The following CCNH variants were observed in gnomAD, a reference collection of about 807,000 sequenced individuals.
CCNH encodes cyclin H.
In CCNH, 31 loss-of-function variants were observed where a neutral mutation model predicts 41.9. That is an observed-to-expected ratio of 0.74 (90% CI 0.56 to 1.00). The LOEUF (loss-of-function observed/expected upper bound fraction) is 1.00, where lower values mean the gene tolerates loss of function less well. Among genes scored for constraint, CCNH ranks in the 50% least tolerant of loss-of-function variants. CCNH has a pLI of 0.00. For missense variants in CCNH, 362 were observed against 388.4 expected, an observed-to-expected ratio of 0.93 and a Z score of 0.57; for synonymous variants, 138 against 136.1, an observed-to-expected ratio of 1.01 and a Z score of -0.10.
intron 9 of CCNH, chr5:87,353,295 G>A: frequency 1.5e-6 from 2 of 1,325,636 alleles, no homozygotes; most frequent in Non-Finnish European, 2.2e-6. Context: ...CATTTTGGTG[G>A]TATGTTTTTG....
At chr5:87,343,791 A>G (rs1235453253) in intron 9 of CCNH, among the ~76,000 whole-genome samples, 1 of 152,216 alleles carries the variant, frequency 6.6e-6, no homozygotes, top group East Asian at 1.9e-4. Context: ...CACCATTCAC[A>G]ATAGCCGAGA....
chr5:87,344,301 A>G (rs1251339480), intron 9 of CCNH, among the ~76,000 whole-genome samples: 1 of 152,134 alleles, frequency 6.6e-6, no homozygotes, highest in Non-Finnish European at 1.5e-5. Context: ...CTGGTACCCC[A>G]TAAAAATAAA....
downstream of CCNH, chr5:87,392,719 A>G (rs1762609548): frequency 6.4e-6 from 1 of 157,114 alleles, no homozygotes; most frequent in Non-Finnish European, 1.4e-5. Flanking sequence ...CCTGCTTCTT[A>G]TATTTTAACA....
chr5:87,315,048 G>A (rs141400399), downstream of CCNH, among the ~76,000 whole-genome samples: 405 of 152,234 alleles, frequency 2.7e-3, 5 homozygotes, highest in East Asian at 8.3e-3. Context: ...ATTATGTAAA[G>A]TATAAAGAGT....
At chr5:87,312,604 G>A in the CCNH span, among the ~76,000 whole-genome samples, 1 of 152,274 alleles carries the variant, frequency 6.6e-6, no homozygotes, top group African/African-American at 2.4e-5. Context: ...CTCTTTCTGG[G>A]CTAGAGGTTA....
upstream of CCNH, chr5:87,379,620 A>G: frequency 1.4e-6 from 2 of 1,397,382 alleles, no homozygotes; most frequent in Non-Finnish European, 1.9e-6. Flanking sequence ...AGATCAATAC[A>G]CACAGAGATA....
At chr5:87,400,272 C>G (rs1763299423) in intron 6 of CCNH, among the ~76,000 whole-genome samples, 1 of 152,196 alleles carries the variant, frequency 6.6e-6, no homozygotes, top group Non-Finnish European at 1.5e-5. Context: ...ACTTGTAACT[C>G]AACACCCTTA....
intron 9 of CCNH, among the ~76,000 whole-genome samples, chr5:87,328,084 A>G (rs1018182634): frequency 5.3e-5 from 8 of 152,228 alleles, no homozygotes; most frequent in African/African-American, 1.9e-4. Context: ...GTATTTTTCA[A>G]CATTGTTTTA....
intron 9 of CCNH, among the ~76,000 whole-genome samples, chr5:87,347,310 A>G (rs1044469525): frequency 6.6e-6 from 1 of 151,940 alleles, no homozygotes; most frequent in Non-Finnish European, 1.5e-5. Context: ...TAATTTTAAC[A>G]TTTCCCAAAA....
chr5:87,366,893 G>A (rs563023457), intron 9 of CCNH, among the ~76,000 whole-genome samples: 8 of 152,108 alleles, frequency 5.3e-5, no homozygotes, highest in Non-Finnish European at 1.2e-4. Context: ...TTAGCCAGGT[G>A]TGGTGATGCA....
chr5:87,361,634 T>A (rs915278830), intron 9 of CCNH, among the ~76,000 whole-genome samples: 2 of 152,174 alleles, frequency 1.3e-5, no homozygotes, highest in Non-Finnish European at 2.9e-5. Flanking sequence ...CATCCTGATA[T>A]AATTCTTTTC....
intron 7 of CCNH, among the ~76,000 whole-genome samples, chr5:87,397,591 A>G (rs1376262171): frequency 6.6e-6 from 1 of 152,172 alleles, no homozygotes; most frequent in African/African-American, 2.4e-5. Flanking sequence ...GTATACATCT[A>G]GTGATTTTTT....
At chr5:87,331,550 T>C (rs747253038) in intron 9 of CCNH, 18 of 1,574,166 alleles carry the variant, frequency 1.1e-5, no homozygotes, top group East Asian at 2.2e-5. Context: ...TATTTTGATA[T>C]AATATTCATA....
downstream of CCNH, among the ~76,000 whole-genome samples, chr5:87,314,283 T>C (rs1756149238): frequency 6.6e-6 from 1 of 152,254 alleles, no homozygotes; most frequent in African/African-American, 2.4e-5. Context: ...GATTACTGAA[T>C]GCTGTACCAG....
chr5:87,400,540 A>G (rs1292095393), intron 6 of CCNH, among the ~76,000 whole-genome samples: 3 of 152,224 alleles, frequency 2.0e-5, no homozygotes, highest in Non-Finnish European at 4.4e-5. Flanking sequence ...ATAACTAAAG[A>G]CCTACAGTTT....
intron 9 of CCNH, among the ~76,000 whole-genome samples, chr5:87,334,155 C>T (rs571700690): frequency 6.6e-6 from 1 of 152,210 alleles, no homozygotes; most frequent in African/African-American, 2.4e-5. Flanking sequence ...TAAAGACCCA[C>T]AATCGGCTGT....
intron 9 of CCNH, among the ~76,000 whole-genome samples, chr5:87,366,932 T>A (rs889708240): frequency 6.6e-6 from 1 of 151,970 alleles, no homozygotes; most frequent in African/African-American, 2.4e-5. Flanking sequence ...CTCAGGAGAG[T>A]GAGGTATGAG....
chr5:87,325,998 G>A (rs1757203946), intron 9 of CCNH, among the ~76,000 whole-genome samples: 1 of 151,966 alleles, frequency 6.6e-6, no homozygotes, highest in Non-Finnish European at 1.5e-5. Context: ...CTGTGACAGG[G>A]TCTCTCTCTG....
At chr5:87,411,818 G>A (rs1304202615) in intron 1 of CCNH, among the ~76,000 whole-genome samples, 1 of 152,160 alleles carries the variant, frequency 6.6e-6, no homozygotes, top group Non-Finnish European at 1.5e-5. Context: ...CAGCCCTTAG[G>A]AAACTAATTC....
Sources: allele counts gnomAD v4.1 joint callset (sites outside exome capture counted in the v4.1 genomes callset), GRCh38; gene constraint gnomAD v4.1.1; transcripts MANE v1.5; gene names NCBI Gene and HGNC (gene_info 2026-07-23, HGNC 2026-07-21).